The following PALM2AKAP2 variants were observed in gnomAD, a reference collection of about 807,000 sequenced individuals.
PALM2AKAP2 encodes PALM2 and AKAP2 fusion, also known as PALM2-AKAP2 fusion protein.
In PALM2AKAP2, 37 loss-of-function variants were observed where a neutral mutation model predicts 71.5. That is an observed-to-expected ratio of 0.52 (90% CI 0.40 to 0.68). The LOEUF (loss-of-function observed/expected upper bound fraction) is 0.68, where lower values mean the gene tolerates loss of function less well. PALM2AKAP2 is among the 30% of genes least tolerant of loss of function. The pLI, the probability that PALM2AKAP2 is intolerant of heterozygous loss-of-function variation, is 0.00. For synonymous variants in PALM2AKAP2, 468 were observed against 478.8 expected (o/e 0.98, Z 0.29); for missense variants, 1,224 against 1,191.8 (o/e 1.03, Z -0.40).
At position 110,156,347 on chromosome 9, in the gene PALM2AKAP2, A is replaced by G. The variant is rs144511974; in HGVS notation, c.2598A>G (p.Pro866=). ...AAATAGAGAAAGTCAAACCTCCTCC[A>G]TCCCCCACCACTGAAGGCCCCAGCT... is the stretch of plus-strand genomic sequence containing the variant. The change falls in exon 3 of 4, where the codon CCA becomes CCG. Residue 866 remains proline (P), a synonymous_variant. Transcript: ENST00000374525. 42 of 1,599,368 alleles carry G rather than the reference A, an allele frequency of 2.6e-5. No individual in the cohort carries two copies. The African/African-American group carries it at 5.4e-4, about 21-fold the overall frequency.
At chr9:109,661,657 G>A (rs957899342) in intron 1 of PALM2AKAP2, among the ~76,000 whole-genome samples, 2 of 152,024 alleles carry the variant, frequency 1.3e-5, no homozygotes, top group Admixed American at 1.3e-4. Flanking sequence ...GCTCTTTTTT[G>A]GTTCCATATG....
intron 1 of PALM2AKAP2, among the ~76,000 whole-genome samples, chr9:110,091,834 A>G (rs1252899787): frequency 6.6e-6 from 1 of 152,196 alleles, no homozygotes; most frequent in African/African-American, 2.4e-5. Context: ...GAGTTTAGAT[A>G]AATGCTTACA....
intron 1 of PALM2AKAP2, among the ~76,000 whole-genome samples, chr9:110,108,429 G>A (rs1271206731): frequency 1.3e-5 from 2 of 151,996 alleles, no homozygotes; most frequent in East Asian, 1.9e-4. Flanking sequence ...TGTTTTTCTA[G>A]TACGCTGATG....
At chr9:109,667,627 T>C (rs1382979879) in intron 1 of PALM2AKAP2, among the ~76,000 whole-genome samples, 3 of 151,590 alleles carry the variant, frequency 2.0e-5, no homozygotes, top group African/African-American at 7.3e-5. Context: ...CCATCTCTAC[T>C]AAAAAAAATA....
intron 6 of PALM2AKAP2, among the ~76,000 whole-genome samples, chr9:109,971,991 G>C (rs1401669680): frequency 6.6e-6 from 1 of 152,202 alleles, no homozygotes; most frequent in Non-Finnish European, 1.5e-5. Flanking sequence ...TTCCACCAGA[G>C]TTCGTCTCTC....
chr9:109,716,000 T>C (rs1345800525), intron 1 of PALM2AKAP2, among the ~76,000 whole-genome samples: 3 of 152,222 alleles, frequency 2.0e-5, no homozygotes, highest in Non-Finnish European at 4.4e-5. Context: ...ATTTAGCATC[T>C]GCAGCTGGGA....
intron 2 of PALM2AKAP2, among the ~76,000 whole-genome samples, chr9:110,150,689 G>A (rs1430101788): frequency 6.6e-6 from 1 of 152,190 alleles, no homozygotes; most frequent in Non-Finnish European, 1.5e-5. Flanking sequence ...ACCACAGGAG[G>A]CAACATATAG....
intron 6 of PALM2AKAP2, among the ~76,000 whole-genome samples, chr9:109,997,012 G>T (rs1832588918): frequency 6.6e-6 from 1 of 152,042 alleles, no homozygotes; most frequent in Non-Finnish European, 1.5e-5. Flanking sequence ...AACGTGGTGA[G>T]ACCCCATCTC....
intron 1 of PALM2AKAP2, among the ~76,000 whole-genome samples, chr9:110,085,773 C>G (rs1034064370): frequency 6.6e-6 from 1 of 152,032 alleles, no homozygotes; most frequent in Non-Finnish European, 1.5e-5. Flanking sequence ...GCAAGATAGC[C>G]TAAACATCAT....
chr9:110,015,883 A>G, intron 6 of PALM2AKAP2, 71 bp from the exon 7 acceptor site: 1 of 1,353,164 alleles, frequency 7.4e-7, no homozygotes, highest in Non-Finnish European at 1.0e-6. Flanking sequence ...TTGTAATCTG[A>G]GCAATAACAA....
At chr9:109,844,274 TA>T (rs1343063013) in intron 1 of PALM2AKAP2, among the ~76,000 whole-genome samples, 1 of 152,174 alleles carries the variant, frequency 6.6e-6, no homozygotes, top group Non-Finnish European at 1.5e-5. Flanking sequence ...GAACATAAAC[TA>T]ACAGTGAAAG....
Position 109,984,601 on chromosome 9 carries a change from A to G in PALM2AKAP2, c.497-31353A>G, listed in dbSNP as rs144730026. ...GCCAGGTATGGTAGCTCATGTCTGT[A>G]ATCCCAGCACTTTGGGAGGCCAAGG... On this transcript the variant is annotated intron_variant, in intron 6 of 9. Coordinates refer to the PALM2AKAP2 transcript ENST00000302798. 9.3e-3 allele frequency among the ~76,000 whole-genome samples: 1,409 copies of G among 152,270 alleles called. 23 individuals are homozygous for G. Among genetic ancestry groups the G allele is most frequent in the African/African-American group, 0.032 (1,325 of 41,536 alleles).
chr9:109,724,089 G>C (rs1828442134), intron 1 of PALM2AKAP2, among the ~76,000 whole-genome samples: 1 of 151,934 alleles, frequency 6.6e-6, no homozygotes, highest in African/African-American at 2.4e-5. Context: ...GGCTTACAGA[G>C]AACACACAGA....
chr9:109,812,801 A>G (rs1243536641), intron 1 of PALM2AKAP2, among the ~76,000 whole-genome samples: 1 of 152,112 alleles, frequency 6.6e-6, no homozygotes, highest in African/African-American at 2.4e-5. Context: ...CCTGATTCTG[A>G]TCCAGCAGCA....
At chr9:109,807,116 T>C (rs1007396735) in intron 1 of PALM2AKAP2, among the ~76,000 whole-genome samples, 4 of 145,740 alleles carry the variant, frequency 2.7e-5, no homozygotes, top group Non-Finnish European at 4.4e-5. Context: ...GGGATTTTTC[T>C]CATCCAGTAG....
chr9:109,849,378 T>C (rs1199515895), intron 1 of PALM2AKAP2, among the ~76,000 whole-genome samples: 3 of 152,210 alleles, frequency 2.0e-5, no homozygotes, highest in African/African-American at 7.2e-5. Context: ...CCATTACTAG[T>C]TGGCCTCACT....
chr9:109,840,932 G>A (rs111923049), intron 1 of PALM2AKAP2, among the ~76,000 whole-genome samples: 4,915 of 152,278 alleles, frequency 0.032, 103 homozygotes, highest in Non-Finnish European at 0.042. Flanking sequence ...ATGTAAACTA[G>A]TTCAACCATT....
chr9:110,049,112 G>C (rs1833659025), intron 1 of PALM2AKAP2, among the ~76,000 whole-genome samples: 1 of 152,174 alleles, frequency 6.6e-6, no homozygotes, highest in East Asian at 1.9e-4. Flanking sequence ...TTTGTTCAAT[G>C]CTTATCATTT....
At chr9:109,718,693 A>G (rs1828364304) in intron 1 of PALM2AKAP2, among the ~76,000 whole-genome samples, 1 of 151,986 alleles carries the variant, frequency 6.6e-6, no homozygotes. Flanking sequence ...AATACCAAGT[A>G]TATTTGTCAC....
Sources: allele counts gnomAD v4.1 joint callset (sites outside exome capture counted in the v4.1 genomes callset), GRCh38; gene constraint gnomAD v4.1.1; transcripts MANE v1.5; gene names NCBI Gene and HGNC (gene_info 2026-07-23, HGNC 2026-07-21).